The following ARID5B variants were observed in gnomAD, a reference collection of about 807,000 sequenced individuals.
ARID5B encodes AT-rich interaction domain 5B, also known as AT-rich interactive domain-containing protein 5B.
Under a neutral mutation model 97.2 loss-of-function variants are expected in ARID5B, and 13 were observed. The ratio of observed to expected loss-of-function variants is 0.13; its 90% CI spans 0.09 to 0.21. ARID5B has a LOEUF of 0.21. ARID5B is among the 10% of genes least tolerant of loss of function. ARID5B has a pLI of 1.00. For synonymous variants in ARID5B, 556 were observed against 570.3 expected (o/e 0.97, Z 0.36); for missense variants, 1,210 against 1,465.3 (o/e 0.83, Z 2.84).
chr10:62,026,704 C>T (rs1839425141), intron 4 of ARID5B, among the ~76,000 whole-genome samples: 1 of 152,126 alleles, frequency 6.6e-6, no homozygotes, highest in Non-Finnish European at 1.5e-5. Flanking sequence ...TGAGTCAGGG[C>T]TTAAAAATGG....
At chr10:62,047,086 G>A (rs1839719878) in intron 4 of ARID5B, 1 of 152,142 alleles carries the variant, frequency 6.6e-6, no homozygotes, top group Non-Finnish European at 1.5e-5. Context: ...ATAAAGTCCA[G>A]TTGCCTGTGT....
At position 62,062,718 on chromosome 10, in the gene ARID5B, A is replaced by G. The variant is rs763199385; in HGVS notation, c.1101+3423A>G. Among the ~76,000 whole-genome samples, 47 of 150,610 alleles carry G rather than the reference A, an allele frequency of 3.1e-4. 1 individual carries two copies. Among genetic ancestry groups the G allele is most frequent in the Non-Finnish European group, 8.8e-5 (6 of 67,858 alleles). On this transcript the variant is annotated intron_variant, in intron 7 of 9. Transcript: ENST00000279873. ...ACTCAGTAAACTATTTTTGTTTTCA[A>G]TGAGGGGAAGTGTAGAACTGTAGTA...
intron 4 of ARID5B, among the ~76,000 whole-genome samples, chr10:62,040,063 C>T (rs1589269955): frequency 6.6e-6 from 1 of 152,196 alleles, no homozygotes; most frequent in Non-Finnish European, 1.5e-5. Flanking sequence ...ACATTATACC[C>T]GACCCATATT....
At chr10:62,055,984 C>T (rs371814687) in intron 5 of ARID5B, among the ~76,000 whole-genome samples, 6 of 152,162 alleles carry the variant, frequency 3.9e-5, no homozygotes, top group African/African-American at 1.4e-4. Flanking sequence ...TCTTCTCTCC[C>T]GATGTCAGTT....
intron 4 of ARID5B, among the ~76,000 whole-genome samples, chr10:62,004,034 T>C (rs879508741): frequency 1.3e-4 from 20 of 152,224 alleles, no homozygotes; most frequent in Non-Finnish European, 2.6e-4. Flanking sequence ...CATCATTTAG[T>C]CCAACATTAC....
intron 2 of ARID5B, among the ~76,000 whole-genome samples, chr10:61,933,788 G>A (rs1844252921): frequency 6.6e-6 from 1 of 152,192 alleles, no homozygotes; most frequent in Non-Finnish European, 1.5e-5. Context: ...CATAGATTTA[G>A]CATAATCCTG....
At chr10:61,972,846 G>C (rs576976535) in intron 3 of ARID5B, among the ~76,000 whole-genome samples, 11 of 152,210 alleles carry the variant, frequency 7.2e-5, no homozygotes, top group African/African-American at 2.6e-4. Context: ...AAACATTTTC[G>C]GTAGAATTAG....
chr10:61,997,371 C>T (rs770285703), intron 3 of ARID5B, among the ~76,000 whole-genome samples: 1 of 151,068 alleles, frequency 6.6e-6, no homozygotes, highest in African/African-American at 2.4e-5. Flanking sequence ...ATGGCATCAT[C>T]ATGAAAAATG....
chr10:61,911,942 T>A (rs1316531043), intron 2 of ARID5B, among the ~76,000 whole-genome samples: 4 of 152,128 alleles, frequency 2.6e-5, no homozygotes, highest in South Asian at 2.1e-4. Flanking sequence ...GGAAGTTGGG[T>A]TTCTAACCGC....
chr10:61,927,545 G>A (rs1383615968), intron 2 of ARID5B, among the ~76,000 whole-genome samples: 1 of 152,170 alleles, frequency 6.6e-6, no homozygotes, highest in Non-Finnish European at 1.5e-5. Context: ...GGCTCTTTGG[G>A]AAGTACAAGA....
chr10:62,049,388 GTCGAGACT>G, intron 4 of ARID5B: 1 of 1,549,462 alleles, frequency 6.5e-7, no homozygotes, highest in South Asian at 1.2e-5. Flanking sequence ...TCCACACCAA[GTCGAGACT>G]TCCAGGGATG....
intron 2 of ARID5B, among the ~76,000 whole-genome samples, chr10:61,930,166 T>A (rs1844178938): frequency 6.6e-6 from 1 of 152,228 alleles, no homozygotes; most frequent in Admixed American, 6.5e-5. Flanking sequence ...TAAGTATATG[T>A]TTCATACATT....
At chr10:61,948,312 C>A (rs550554883) in intron 3 of ARID5B, among the ~76,000 whole-genome samples, 2 of 150,452 alleles carry the variant, frequency 1.3e-5, no homozygotes, top group East Asian at 3.9e-4. Flanking sequence ...CTTTTCAGTT[C>A]TTCCCTAAGA....
chr10:62,063,068 G>C (rs1839942569), intron 7 of ARID5B, among the ~76,000 whole-genome samples: 1 of 152,196 alleles, frequency 6.6e-6, no homozygotes, highest in Admixed American at 6.5e-5. Flanking sequence ...GAAAGGATCT[G>C]ATAACCTGCC....
chr10:61,960,083 T>A (rs1425965879), intron 3 of ARID5B, among the ~76,000 whole-genome samples: 1 of 152,196 alleles, frequency 6.6e-6, no homozygotes, highest in Non-Finnish European at 1.5e-5. Flanking sequence ...GTTGGTGGGT[T>A]TCCTCTTTCA....
chr10:61,941,945 G>A (rs1260632746), intron 3 of ARID5B, among the ~76,000 whole-genome samples: 1 of 152,080 alleles, frequency 6.6e-6, no homozygotes, highest in Non-Finnish European at 1.5e-5. Flanking sequence ...CTTTCCTAAT[G>A]TATGATCTAA....
intron 7 of ARID5B, among the ~76,000 whole-genome samples, chr10:62,066,187 C>T (rs532053862): frequency 1.3e-5 from 2 of 152,278 alleles, no homozygotes; most frequent in Admixed American, 6.5e-5. Flanking sequence ...TACATGAAGC[C>T]GGGAGATGTT....
chr10:61,940,080 T>G, intron 2 of ARID5B, 103 bp from the exon 3 acceptor site: 1 of 1,029,950 alleles, frequency 9.7e-7, no homozygotes, highest in Admixed American at 1.9e-5. Flanking sequence ...TGCATTAGGT[T>G]AAACCACTCA....
At chr10:62,062,930 G>A (rs1217803356) in intron 7 of ARID5B, among the ~76,000 whole-genome samples, 1 of 152,058 alleles carries the variant, frequency 6.6e-6, no homozygotes, top group Non-Finnish European at 1.5e-5. Context: ...TGAGAATTTG[G>A]TACACAATTG....
Sources: allele counts gnomAD v4.1 joint callset (sites outside exome capture counted in the v4.1 genomes callset), GRCh38; gene constraint gnomAD v4.1.1; transcripts MANE v1.5; gene names NCBI Gene and HGNC (gene_info 2026-07-23, HGNC 2026-07-21).